CTNND2: variants seen among roughly 807,000 people sequenced by gnomAD.
The protein encoded by CTNND2 is catenin delta-2.
CTNND2 carries 22 observed loss-of-function variants against 144.4 expected under a neutral mutation model. The observed-to-expected ratio is 0.15, with a 90% CI of 0.11 to 0.22. The LOEUF is 0.22. CTNND2 is among the 10% of genes least tolerant of loss of function. The pLI is 1.00. For synonymous variants in CTNND2, 751 were observed against 695.6 expected (o/e 1.08, Z -1.25); for missense variants, 1,353 against 1,618.8 (o/e 0.84, Z 2.82).
chr5:11,082,811 C>G lies in CTNND2; in HGVS notation c.2673G>C (p.Glu891Asp). ...SVYIRAAVRK[E>D]KGLPILVELL... Reference sequence around the variant, plus strand: ...GCTCCACGAGGATGGGCAGGCCTTTCTCTTTTCGGACAGCGGCTCGGATAT... The same window carrying G: ...GCTCCACGAGGATGGGCAGGCCTTTGTCTTTTCGGACAGCGGCTCGGATAT... Residue 891 changes from glutamate (E) to aspartate (D), a missense_variant, in exon 16 of 22, where the codon GAG becomes GAC. Glu to Asp is a conservative substitution (Grantham distance 45). Coordinates refer to ENST00000304623, the MANE Select transcript of CTNND2 (RefSeq NM_001332.4). 1.2e-6 allele frequency: 2 copies of G among 1,614,190 alleles called. No homozygotes were observed. The highest frequency in any genetic ancestry group is 1.7e-6 in the Non-Finnish European group (2 of 1,180,036).
intron 18 of CTNND2, among the ~76,000 whole-genome samples, chr5:11,002,964 AC>A (rs1196168481): frequency 6.6e-6 from 1 of 152,194 alleles, no homozygotes; most frequent in Non-Finnish European, 1.5e-5. Context: ...ATTAATTGGA[AC>A]CCAAAATAAT....
At chr5:11,699,138 T>A (rs550257771) in intron 2 of CTNND2, among the ~76,000 whole-genome samples, 4 of 152,068 alleles carry the variant, frequency 2.6e-5, no homozygotes, top group Non-Finnish European at 5.9e-5. Flanking sequence ...GTCAATTCTA[T>A]CGAATGAGTA....
At chr5:11,083,997 C>A in intron 15 of CTNND2, 1 of 1,031,646 alleles carries the variant, frequency 9.7e-7, no homozygotes, top group Non-Finnish European at 1.2e-6. Context: ...TCATCCTGTC[C>A]TACATTAGAA....
chr5:11,328,084 G>A (rs1367689875), intron 9 of CTNND2, among the ~76,000 whole-genome samples: 5 of 152,094 alleles, frequency 3.3e-5, no homozygotes, highest in African/African-American at 1.2e-4. Flanking sequence ...TCCCATAAGT[G>A]AGTACGTTCA....
intron 3 of CTNND2, among the ~76,000 whole-genome samples, chr5:11,524,454 A>C (rs1332294013): frequency 6.6e-6 from 1 of 152,202 alleles, no homozygotes; most frequent in African/African-American, 2.4e-5. Flanking sequence ...TGTGTCTAGA[A>C]GGACCAGTGA....
intron 21 of CTNND2, among the ~76,000 whole-genome samples, chr5:10,975,764 C>T (rs890872821): frequency 1.3e-5 from 2 of 152,160 alleles, no homozygotes; most frequent in African/African-American, 2.4e-5. Context: ...TTTTTGGGGG[C>T]CAGGGAAGGC....
chr5:11,334,639 G>T (rs1443990644), intron 9 of CTNND2, among the ~76,000 whole-genome samples: 2 of 152,122 alleles, frequency 1.3e-5, no homozygotes, highest in Non-Finnish European at 2.9e-5. Context: ...AAAATGTTGG[G>T]AACCACTGGG....
At chr5:11,550,067 G>A (rs1775627871) in intron 3 of CTNND2, among the ~76,000 whole-genome samples, 1 of 152,096 alleles carries the variant, frequency 6.6e-6, no homozygotes. Context: ...CCACATGTAT[G>A]GAATACTTTC....
At chr5:11,449,564 A>T (rs2149909564) in intron 3 of CTNND2, among the ~76,000 whole-genome samples, 1 of 152,314 alleles carries the variant, frequency 6.6e-6, no homozygotes, top group African/African-American at 2.4e-5. Context: ...GGGGTTGCAT[A>T]TCATGGAATA....
chr5:11,878,003 T>C (rs770372760), intron 1 of CTNND2, among the ~76,000 whole-genome samples: 14 of 152,130 alleles, frequency 9.2e-5, no homozygotes, highest in Non-Finnish European at 1.5e-4. Context: ...ATATATCTTG[T>C]GTATAAGAAA....
At chr5:11,816,109 C>T (rs941346409) in intron 1 of CTNND2, among the ~76,000 whole-genome samples, 1 of 152,198 alleles carries the variant, frequency 6.6e-6, no homozygotes, top group Non-Finnish European at 1.5e-5. Context: ...CCCACTCATG[C>T]ACCTGGGGGC....
intron 2 of CTNND2, among the ~76,000 whole-genome samples, chr5:11,617,856 G>T (rs1227045684): frequency 6.6e-6 from 1 of 152,174 alleles, no homozygotes; most frequent in African/African-American, 2.4e-5. Context: ...TATACCACAG[G>T]CTTTTGCCTC....
Position 11,770,450 on chromosome 5 carries a change from AGGAAGGAAGGAAGG to A in CTNND2, c.38-38192_38-38179del, listed in dbSNP as rs1385584141. ...AAGGAAGGAAGGAAGGAAGGAAGGA[AGGAAGGAAGGAAGG>A]GGTAGGGGTAGGGGAAGGGGAAGGA... is the stretch of plus-strand genomic sequence containing the variant. On this transcript the variant is annotated intron_variant, in intron 1 of 21. Coordinates refer to ENST00000304623, the MANE Select transcript of CTNND2 (RefSeq NM_001332.4). Among the ~76,000 whole-genome samples, 1,302 of 136,182 alleles carry A rather than the reference AGGAAGGAAGGAAGG, an allele frequency of 9.6e-3. 33 individuals carry two copies. The highest frequency in any genetic ancestry group is 0.035 in the African/African-American group (1,218 of 34,634). 89.3% of individuals were successfully genotyped at this position (136,182 alleles called of 152,430 possible).
chr5:11,472,361 T>C (rs547361761), intron 3 of CTNND2, among the ~76,000 whole-genome samples: 1 of 152,358 alleles, frequency 6.6e-6, no homozygotes, highest in Admixed American at 6.5e-5. Flanking sequence ...ACTTTTATAA[T>C]TGAAATAATT....
chr5:11,801,311 T>C (rs1286303451), intron 1 of CTNND2, among the ~76,000 whole-genome samples: 1 of 152,190 alleles, frequency 6.6e-6, no homozygotes, highest in Non-Finnish European at 1.5e-5. Flanking sequence ...TGAGTAACAG[T>C]GATAGCTACA....
intron 1 of CTNND2, among the ~76,000 whole-genome samples, chr5:11,812,795 G>C (rs533188147): frequency 6.6e-6 from 1 of 152,218 alleles, no homozygotes; most frequent in South Asian, 2.1e-4. Flanking sequence ...TCTTAGGAGA[G>C]GACACAGTGC....
intron 1 of CTNND2, among the ~76,000 whole-genome samples, chr5:11,845,771 G>C (rs1428132649): frequency 1.3e-5 from 2 of 152,180 alleles, no homozygotes; most frequent in Non-Finnish European, 2.9e-5. Flanking sequence ...GTCATGGAAA[G>C]TTTAAATCTG....
At chr5:11,646,166 G>GT (rs1279685338) in intron 2 of CTNND2, among the ~76,000 whole-genome samples, 2 of 151,590 alleles carry the variant, frequency 1.3e-5, no homozygotes, top group Non-Finnish European at 2.9e-5. Flanking sequence ...CTCTAGCCTT[G>GT]TTTTTTGTTT....
At chr5:11,610,414 T>G (rs762429970) in intron 2 of CTNND2, among the ~76,000 whole-genome samples, 4 of 152,196 alleles carry the variant, frequency 2.6e-5, no homozygotes, top group Non-Finnish European at 5.9e-5. Context: ...AGGCATGCAA[T>G]TCACAAAAGG....
Sources: allele counts gnomAD v4.1 joint callset (sites outside exome capture counted in the v4.1 genomes callset), GRCh38; gene constraint gnomAD v4.1.1; transcripts MANE v1.5; gene names NCBI Gene and HGNC (gene_info 2026-07-23, HGNC 2026-07-21).